ZFHX3: variants seen among roughly 807,000 people sequenced by gnomAD.
ZFHX3 encodes zinc finger homeobox protein 3.
Under a neutral mutation model 279.1 loss-of-function variants are expected in ZFHX3, and 42 were observed. The observed-to-expected ratio is 0.15, with a 90% CI of 0.12 to 0.19. The LOEUF is 0.19. ZFHX3 is among the 10% of genes least tolerant of loss of function. The pLI is 1.00. For synonymous variants in ZFHX3, 2,293 were observed against 1,957.8 expected (o/e 1.17, Z -4.52); for missense variants, 4,981 against 4,754.0 (o/e 1.05, Z -1.40).
intron 1 of ZFHX3, among the ~76,000 whole-genome samples, chr16:73,705,272 A>G (rs576483511): frequency 1.3e-4 from 20 of 152,324 alleles, no homozygotes; most frequent in South Asian, 1.0e-3. Context: ...CAAGCCAGTA[A>G]GAGCTGGCTC....
chr16:72,879,942 T>C (rs1455823875), intron 4 of ZFHX3, among the ~76,000 whole-genome samples: 6 of 152,180 alleles, frequency 3.9e-5, no homozygotes, highest in Non-Finnish European at 7.3e-5. Context: ...GAAAGAGTCA[T>C]GGTAAAATGG....
chr16:73,014,124 AG>A (rs1208948319), intron 1 of ZFHX3, among the ~76,000 whole-genome samples: 8 of 152,148 alleles, frequency 5.3e-5, no homozygotes, highest in African/African-American at 1.9e-4. Context: ...GATGTGAGGA[AG>A]GGGCCATCAA....
At chr16:73,159,166 T>C (rs1567405734) in intron 5 of ZFHX3, among the ~76,000 whole-genome samples, 1 of 152,230 alleles carries the variant, frequency 6.6e-6, no homozygotes, top group Non-Finnish European at 1.5e-5. Flanking sequence ...GAGAAAATGT[T>C]TGCAAACTGT....
At chr16:73,194,989 A>T (rs1365241633) in intron 5 of ZFHX3, among the ~76,000 whole-genome samples, 4 of 152,220 alleles carry the variant, frequency 2.6e-5, no homozygotes, top group Non-Finnish European at 5.9e-5. Context: ...CTTCGCTAGG[A>T]TTCTACCTGG....
At position 73,366,726 on chromosome 16, in the gene ZFHX3, G is replaced by T. The variant is rs148745473; in HGVS notation, c.-1290-48390C>A. Among the ~76,000 whole-genome samples, 9 of 152,248 alleles carry T rather than the reference G, an allele frequency of 5.9e-5. 1 individual carries two copies. Among genetic ancestry groups the T allele is most frequent in the Non-Finnish European group, 8.8e-5 (6 of 68,016 alleles). ...TATGTGTGTGCACATGCATGTGTGT[G>T]TGTGTGCGTGCACACTCACTGTATG... On this transcript the variant is annotated intron_variant, in intron 3 of 17. Coordinates refer to the ZFHX3 transcript ENST00000641206.
intron 5 of ZFHX3, among the ~76,000 whole-genome samples, chr16:73,187,083 C>A (rs1967926302): frequency 6.6e-6 from 1 of 151,894 alleles, no homozygotes; most frequent in Non-Finnish European, 1.5e-5. Flanking sequence ...TCAAAATAGA[C>A]AGGCTTTCTC....
chr16:73,655,413 T>C (rs2052712689), intron 2 of ZFHX3, among the ~76,000 whole-genome samples: 1 of 152,206 alleles, frequency 6.6e-6, no homozygotes, highest in African/African-American at 2.4e-5. Flanking sequence ...ATTATTAGAA[T>C]AGGAGACTCT....
chr16:73,535,687 A>G (rs1288934453), intron 2 of ZFHX3, among the ~76,000 whole-genome samples: 1 of 151,536 alleles, frequency 6.6e-6, no homozygotes, highest in Non-Finnish European at 1.5e-5. Context: ...CAGCTATTTC[A>G]GAGGGTTGGC....
At chr16:73,049,139 C>CT (rs1847860127), upstream of ZFHX3, among the ~76,000 whole-genome samples, 6 of 152,190 alleles carry the variant, frequency 3.9e-5, no homozygotes, top group South Asian at 1.2e-3. Flanking sequence ...CCAAGTCCAC[C>CT]TTTTTCCATT....
Position 73,276,485 on chromosome 16 carries a change from C to T in ZFHX3, c.-1193-19349G>A, listed in dbSNP as rs191885142. Among the ~76,000 whole-genome samples the T allele has an allele frequency of 7.4e-4, 112 of 151,998 alleles. 2 individuals are homozygous for T. The highest frequency in any genetic ancestry group is 1.4e-3 in the Non-Finnish European group (97 of 67,950). On this transcript the variant is annotated intron_variant, in intron 4 of 17. Coordinates refer to the ZFHX3 transcript ENST00000641206. ...CAGGTGTGAGCCACTGTGCCCAGCC[C>T]CAGTGGCTGTATTTCTTACAGTATT...
At chr16:72,934,882 T>G (rs188219282) in intron 3 of ZFHX3, among the ~76,000 whole-genome samples, 18 of 152,184 alleles carry the variant, frequency 1.2e-4, no homozygotes, top group African/African-American at 4.1e-4. Flanking sequence ...TAAAGGCCCC[T>G]GGGCTAAGAG....
intron 5 of ZFHX3, among the ~76,000 whole-genome samples, chr16:72,813,104 A>G (rs1435341865): frequency 1.3e-5 from 2 of 152,210 alleles, no homozygotes; most frequent in African/African-American, 4.8e-5. Flanking sequence ...TAACCTGGTC[A>G]ATATCTGAGT....
intron 1 of ZFHX3, among the ~76,000 whole-genome samples, chr16:73,833,023 A>G (rs1316305016): frequency 2.0e-5 from 3 of 152,226 alleles, no homozygotes; most frequent in Non-Finnish European, 4.4e-5. Context: ...ATCCTGCCCA[A>G]GACTTTCAGA....
intron 1 of ZFHX3, among the ~76,000 whole-genome samples, chr16:73,856,198 G>T (rs1030487936): frequency 3.9e-5 from 6 of 152,106 alleles, no homozygotes; most frequent in East Asian, 1.9e-4. Context: ...TTTAATGTTG[G>T]CAGTGACTAC....
intron 2 of ZFHX3, among the ~76,000 whole-genome samples, chr16:73,573,223 G>A (rs1356570625): frequency 6.6e-6 from 1 of 152,162 alleles, no homozygotes; most frequent in East Asian, 1.9e-4. Context: ...TCACTCCCAT[G>A]CTTTCACTCG....
At chr16:73,648,486 T>C (rs1339055437) in intron 2 of ZFHX3, among the ~76,000 whole-genome samples, 1 of 152,154 alleles carries the variant, frequency 6.6e-6, no homozygotes, top group Non-Finnish European at 1.5e-5. Context: ...GCCTCCTGGG[T>C]TCAAGTGATT....
At chr16:73,750,398 T>A (rs929793335) in intron 1 of ZFHX3, among the ~76,000 whole-genome samples, 1 of 152,320 alleles carries the variant, frequency 6.6e-6, no homozygotes, top group Middle Eastern at 3.4e-3. Context: ...ACTATTATCA[T>A]GATAATCGCA....
chr16:73,712,918 G>A (rs1013015128), intron 1 of ZFHX3, among the ~76,000 whole-genome samples: 4 of 152,188 alleles, frequency 2.6e-5, no homozygotes, highest in African/African-American at 7.2e-5. Flanking sequence ...GAGGTCCTAT[G>A]TACATTGCAG....
chr16:72,949,915 T>C (rs868830667), intron 3 of ZFHX3, among the ~76,000 whole-genome samples: 15 of 138,542 alleles, frequency 1.1e-4, no homozygotes, highest in Admixed American at 3.7e-4. Context: ...TCTTTTCTTT[T>C]TTTTTTTTTT....
Sources: gnomAD v4.1 joint callset for allele counts (sites outside exome capture counted in the v4.1 genomes callset) on GRCh38, gnomAD v4.1.1 for gene constraint, MANE v1.5 for transcripts, NCBI Gene and HGNC (gene_info 2026-07-23, HGNC 2026-07-21) for gene names.